KDM3A: variants seen among roughly 807,000 people sequenced by gnomAD.
The protein encoded by KDM3A is lysine demethylase 3A.
In KDM3A, 60 loss-of-function variants were observed where a neutral mutation model predicts 158.0. The observed-to-expected ratio is 0.38, with a 90% CI of 0.31 to 0.47. The LOEUF is 0.47. Among genes scored for constraint, KDM3A ranks in the 20% least tolerant of loss-of-function variants. The probability of loss-of-function intolerance (pLI) is 0.99; values close to 1 mark genes in which losing one functional copy is unlikely to be tolerated. For synonymous variants in KDM3A, 608 were observed against 549.3 expected (o/e 1.11, Z -1.49); for missense variants, 1,319 against 1,574.3 (o/e 0.84, Z 2.74).
chr2:86,480,806 C>T (rs1673888704), intron 16 of KDM3A, among the ~76,000 whole-genome samples: 1 of 152,222 alleles, frequency 6.6e-6, no homozygotes, highest in South Asian at 2.1e-4. Context: ...GAAAAGCTGG[C>T]AAGAGCACAG....
chr2:86,472,512 G>A (rs927034739), intron 11 of KDM3A, among the ~76,000 whole-genome samples: 3 of 151,974 alleles, frequency 2.0e-5, no homozygotes, highest in Non-Finnish European at 4.4e-5. Context: ...ACTTTGAAAT[G>A]CTTTCAAATT....
At chr2:86,485,964 G>A in intron 21 of KDM3A, 105 bp downstream of exon 21, 1 of 1,103,676 alleles carries the variant, frequency 9.1e-7, no homozygotes, top group Non-Finnish European at 1.3e-6. Flanking sequence ...TAATCCTAAT[G>A]CGTAATACAG....
chr2:86,485,990 T>G, intron 21 of KDM3A, 131 bp downstream of exon 21: 1 of 957,274 alleles, frequency 1.0e-6, no homozygotes, highest in Non-Finnish European at 1.5e-6. Flanking sequence ...GCTTTCATTT[T>G]TACATATTTC....
At chr2:86,450,085 C>T (rs1206283663) in intron 3 of KDM3A, 123 bp downstream of exon 3, 2 of 1,057,548 alleles carry the variant, frequency 1.9e-6, no homozygotes, top group Non-Finnish European at 2.7e-6. Context: ...TCCTGCCAGC[C>T]CTTTTAAGAA....
chr2:86,490,599 T>C (rs1017892386), intron 23 of KDM3A: 1 of 249,596 alleles, frequency 4.0e-6, no homozygotes, highest in African/African-American at 2.3e-5. Context: ...TACTTATGTT[T>C]AAAAATCTAG....
At chr2:86,477,756 G>C in intron 12 of KDM3A, 121 bp from the exon 13 acceptor site, 1 of 908,336 alleles carries the variant, frequency 1.1e-6, no homozygotes, top group Middle Eastern at 3.5e-4. Context: ...TTGCAATGAA[G>C]CCTGAACAAA....
At chr2:86,472,864 C>G (rs1006910584) in intron 11 of KDM3A, among the ~76,000 whole-genome samples, 7 of 152,144 alleles carry the variant, frequency 4.6e-5, no homozygotes, top group African/African-American at 1.7e-4. Context: ...TATTGCCACC[C>G]TGTTCACCTC....
chr2:86,478,552 G>A (rs748253510), intron 14 of KDM3A, 56 bp from the exon 15 acceptor site: 32 of 1,589,486 alleles, frequency 2.0e-5, no homozygotes, highest in Non-Finnish European at 2.7e-5. Context: ...CTGTAATGTT[G>A]AGGTTGAAAG....
Position 86,474,865 on chromosome 2 carries a change from C to T in KDM3A, c.1814C>T (p.Pro605Leu). The T allele has an allele frequency of 6.2e-7, 1 of 1,613,838 alleles. No individual in the cohort carries two copies. Among genetic ancestry groups the T allele is most frequent in the Non-Finnish European group, 8.5e-7 (1 of 1,179,912 alleles). ...AATGAAGCAATTGGCTTGTGGTTAC[C>T]TTTAACCAAAAACGTTGTGGGGATT... ...YDNEAIGLWLPLTKNVVGIDL... is the reference protein window; with the variant it reads ...YDNEAIGLWLLLTKNVVGIDL... The change falls in exon 12 of 26, where the codon CCT (proline) becomes CTT (leucine). Residue 605 changes from proline (P) to leucine (L), a missense_variant. Coordinates refer to ENST00000312912, the MANE Select transcript of KDM3A (RefSeq NM_018433.6).
intron 20 of KDM3A, 142 bp from the exon 21 acceptor site, chr2:86,485,587 C>T: frequency 1.1e-6 from 1 of 929,540 alleles, no homozygotes; most frequent in Non-Finnish European, 1.6e-6. Context: ...CTGTACTTCT[C>T]ATCTTAAATA....
intron 21 of KDM3A, chr2:86,486,945 G>A (rs974258924): frequency 6.6e-6 from 1 of 152,364 alleles, no homozygotes; most frequent in African/African-American, 2.4e-5. Flanking sequence ...GTGGGCACAA[G>A]GCCTCTTGCC....
Position 86,478,049 on chromosome 2 carries a change from T to C in KDM3A, c.2092+20T>C. On this transcript the variant is annotated intron_variant, in intron 13 of 25. Coordinates refer to ENST00000312912, the MANE Select transcript of KDM3A (RefSeq NM_018433.6). ...AACAGGGTGAGAACCGATTTGATTC[T>C]CCTCCAGCCCCTCTACACAGTTAAA... 6.2e-7 allele frequency: 1 copy of C among 1,613,990 alleles called. No individual in the cohort carries two copies. The highest frequency in any genetic ancestry group is 8.5e-7 in the Non-Finnish European group (1 of 1,179,928).
chr2:86,445,904 T>C (rs951067684), intron 2 of KDM3A, among the ~76,000 whole-genome samples: 5 of 152,206 alleles, frequency 3.3e-5, no homozygotes, highest in African/African-American at 1.2e-4. Context: ...TCCTGCATTG[T>C]AGTGCAAGGC....
At chr2:86,479,627 C>CCAGTTTTT in intron 15 of KDM3A, 1 of 152,262 alleles carries the variant, frequency 6.6e-6, no homozygotes, top group South Asian at 2.1e-4. Context: ...CTCACTCTTG[C>CCAGTTTTT]CAGTTTTTAA....
At chr2:86,478,476 C>T in intron 14 of KDM3A, 132 bp from the exon 15 acceptor site, 6 of 1,060,216 alleles carry the variant, frequency 5.7e-6, no homozygotes, top group East Asian at 2.4e-5. Context: ...TTGGGGAAGG[C>T]CTCTGGAGCA....
At chr2:86,440,428 T>G (rs187597283), upstream of KDM3A, among the ~76,000 whole-genome samples, 66 of 152,348 alleles carry the variant, frequency 4.3e-4, no homozygotes, top group African/African-American at 1.4e-3. Flanking sequence ...TTTCATTCAA[T>G]CAAAATACTT....
chr2:86,466,270 T>C (rs1673141136), intron 9 of KDM3A, 102 bp from the exon 10 acceptor site: 1 of 1,245,874 alleles, frequency 8.0e-7, no homozygotes, highest in African/African-American at 1.5e-5. Context: ...TTCTTTTTTC[T>C]TTCATACTCG....
chr2:86,478,189 C>T lies in KDM3A; in HGVS notation c.2112C>T (p.Phe704=). ...NCQQGAAYKT[F]SWLKCVKSQI... Reference sequence around the variant, plus strand: ...TTGCAGGTGCTGCTTACAAGACTTTCTCTTGGCTAAAATGTGTGAAGAGTC... The same window carrying T: ...TTGCAGGTGCTGCTTACAAGACTTTTTCTTGGCTAAAATGTGTGAAGAGTC... The change falls in exon 14 of 26, where the codon TTC becomes TTT. Residue 704 remains phenylalanine, a synonymous_variant. Coordinates refer to ENST00000312912, the MANE Select transcript of KDM3A (RefSeq NM_018433.6). 1 of 1,614,014 alleles carries T rather than the reference C, an allele frequency of 6.2e-7. No individual in the cohort carries two copies. The highest frequency in any genetic ancestry group is 8.5e-7 in the Non-Finnish European group (1 of 1,179,846).
chr2:86,480,903 A>G (rs1420444042), intron 16 of KDM3A, among the ~76,000 whole-genome samples: 2 of 152,228 alleles, frequency 1.3e-5, no homozygotes, highest in Non-Finnish European at 2.9e-5. Flanking sequence ...CATGTGATGT[A>G]ATTCTGTGAT....
Sources: allele counts gnomAD v4.1 joint callset (sites outside exome capture counted in the v4.1 genomes callset), GRCh38; gene constraint gnomAD v4.1.1; transcripts MANE v1.5; gene names NCBI Gene and HGNC (gene_info 2026-07-23, HGNC 2026-07-21).